MAP4: variants seen among roughly 807,000 people sequenced by gnomAD.
MAP4 encodes microtubule associated protein 4.
MAP4 carries 76 observed loss-of-function variants against 170.2 expected under a neutral mutation model. The ratio of observed to expected loss-of-function variants is 0.45; its 90% CI spans 0.37 to 0.54. MAP4 has a LOEUF of 0.54. MAP4 is among the 20% of genes least tolerant of loss of function. The pLI, the probability that MAP4 is intolerant of heterozygous loss-of-function variation, is 0.00. For missense variants in MAP4, 2,506 were observed against 2,748.0 expected (o/e 0.91, Z 1.97); for synonymous variants, 909 against 994.5 (o/e 0.91, Z 1.62).
chr3:48,041,216 A>G (rs1251288278), intron 1 of MAP4, among the ~76,000 whole-genome samples: 1 of 152,246 alleles, frequency 6.6e-6, no homozygotes, highest in East Asian at 1.9e-4. Flanking sequence ...GGTTCAAGCG[A>G]TTCTCCTGCC....
chr3:47,887,127 C>T (rs949559041), intron 10 of MAP4, among the ~76,000 whole-genome samples: 5 of 152,234 alleles, frequency 3.3e-5, no homozygotes, highest in South Asian at 2.1e-4. Flanking sequence ...CCCTTTGGCC[C>T]GCCGCTGCAC....
intron 3 of MAP4, 152 bp from the exon 4 acceptor site, chr3:47,928,502 G>C: frequency 1.4e-6 from 1 of 698,842 alleles, no homozygotes; most frequent in South Asian, 1.9e-5. Flanking sequence ...TTAATTGAAA[G>C]ATAAAAGGAG....
intron 1 of MAP4, among the ~76,000 whole-genome samples, chr3:48,079,265 A>G (rs1317459691): frequency 6.6e-6 from 1 of 152,148 alleles, no homozygotes; most frequent in Non-Finnish European, 1.5e-5. Context: ...ATATCTGTAT[A>G]CTACAGATAT....
intron 2 of MAP4, among the ~76,000 whole-genome samples, chr3:47,997,325 C>CAAAAAAAAAAAAAAAAAAAAAAAAAA (rs1559754149): frequency 7.4e-5 from 3 of 40,710 alleles, no homozygotes; most frequent in Non-Finnish European, 1.2e-4. Flanking sequence ...ATTTAAACTG[C>CAAAAAAAAAAAAAAAAAAAAAAAAAA]TAAAAAAAAA....
chr3:47,886,443 G>A (rs1032009402), intron 10 of MAP4, among the ~76,000 whole-genome samples: 7 of 152,170 alleles, frequency 4.6e-5, no homozygotes, highest in African/African-American at 1.7e-4. Flanking sequence ...TGGGACTATA[G>A]GTACATGCCA....
At chr3:47,947,119 C>T (rs1177859792) in intron 3 of MAP4, among the ~76,000 whole-genome samples, 1 of 152,168 alleles carries the variant, frequency 6.6e-6, no homozygotes, top group East Asian at 1.9e-4. Flanking sequence ...ATTTAATATC[C>T]TCCTTATAGA....
At chr3:48,063,439 A>C (rs1014409488) in intron 1 of MAP4, among the ~76,000 whole-genome samples, 1 of 151,668 alleles carries the variant, frequency 6.6e-6, no homozygotes, top group South Asian at 2.1e-4. Context: ...CCAGTTTGGG[A>C]GGTTCTTACA....
chr3:47,886,707 T>A (rs985326223), intron 10 of MAP4, among the ~76,000 whole-genome samples: 2 of 152,218 alleles, frequency 1.3e-5, no homozygotes, highest in Non-Finnish European at 2.9e-5. Flanking sequence ...TGCTCTTCTG[T>A]TGGGTCTTTC....
intron 1 of MAP4, among the ~76,000 whole-genome samples, chr3:48,065,560 A>G (rs2100137920): frequency 6.6e-6 from 1 of 152,130 alleles, no homozygotes; most frequent in South Asian, 2.1e-4. Flanking sequence ...CCAAGCCCCA[A>G]ATTTTTCACT....
intron 1 of MAP4, among the ~76,000 whole-genome samples, chr3:48,059,823 T>C (rs1266421387): frequency 6.6e-6 from 1 of 151,792 alleles, no homozygotes; most frequent in East Asian, 1.9e-4. Context: ...TCTACTAAAA[T>C]ACAAAAAATT....
chr3:48,007,168 G>A (rs1204667285), intron 1 of MAP4, among the ~76,000 whole-genome samples: 1 of 152,178 alleles, frequency 6.6e-6, no homozygotes, highest in Non-Finnish European at 1.5e-5. Context: ...AAACACACTG[G>A]ACTTATTGGT....
At position 47,893,776 on chromosome 3, in the gene MAP4, A is replaced by T. The variant is rs985819638; in HGVS notation, c.5434+9174T>A. Among the ~76,000 whole-genome samples, 10 of 151,246 alleles carry T rather than the reference A, an allele frequency of 6.6e-5. No homozygotes were observed. The East Asian group carries it at 1.7e-3, about 26-fold the overall frequency. On this transcript the variant is annotated intron_variant, in intron 10 of 20. Transcript: ENST00000683076. ...TTAGATTGCTTTTTTTTTTTTTTTA[A>T]AAAAAGGCCATTTGCCATAAACTGC...
chr3:47,853,249 G>A lies in MAP4; in HGVS notation c.6800C>T (p.Ala2267Val), dbSNP rs1261728765. Residue 2267 changes from alanine to valine, a missense_variant, in exon 20 of 21, where the codon GCC (alanine) becomes GTC (valine). Coordinates refer to ENST00000683076, the MANE Select transcript of MAP4 (RefSeq NM_001385682.1). Reference sequence around the variant, plus strand: ...GGTGGGGTGGCCATTGAGGCCACTGGCTGAAGTGGGGGCGCCAGCTTCAGG... The same window carrying A: ...GGTGGGGTGGCCATTGAGGCCACTGACTGAAGTGGGGGCGCCAGCTTCAGG... ...AAPEAGAPTS[A>V]SGLNGHPTLS... 4 of 1,591,534 alleles carry A rather than the reference G, an allele frequency of 2.5e-6. No homozygotes were observed. The highest frequency in any genetic ancestry group is 3.4e-4 in the Middle Eastern group (2 of 5,900).
intron 1 of MAP4, among the ~76,000 whole-genome samples, chr3:48,062,126 T>C (rs1038614379): frequency 9.9e-5 from 15 of 151,986 alleles, no homozygotes; most frequent in African/African-American, 3.6e-4. Flanking sequence ...GAAGTGGGCA[T>C]AGGAGACTCC....
rs1199550817 is a variant in MAP4, at chr3:47,917,038, G to T, written c.789C>A (p.Asp263Glu). 3 of 1,614,028 alleles carry T rather than the reference G, an allele frequency of 1.9e-6. No individual in the cohort carries two copies. The African/African-American group carries it at 4.0e-5, about 22-fold the overall frequency. ...CCTCGGTTTTTGTAGCTAGTGCCAT[G>T]TCCTTGGCGAGGGCCATCTCTGTTT... is the stretch of plus-strand genomic sequence containing the variant. ...SKETEMALAK[D>E]MALATKTEVA... is the part of the protein sequence containing the mutation. Residue 263 changes from aspartate (D) to glutamate (E), a missense_variant, in exon 7 of 21, where the codon GAC (aspartate) becomes GAA (glutamate). Asp to Glu is a conservative substitution (Grantham distance 45, BLOSUM62 2). This residue lies in a region of MAP4 where 2,008 missense variants were observed against 2,206.0 expected (regional missense o/e 0.91). Transcript: ENST00000683076.
At chr3:47,965,702 A>T (rs2100074446) in intron 3 of MAP4, among the ~76,000 whole-genome samples, 1 of 152,070 alleles carries the variant, frequency 6.6e-6, no homozygotes, top group Non-Finnish European at 1.5e-5. Context: ...TGTATCTTTT[A>T]TGAAGAAATG....
chr3:48,088,616 C>A (rs1412914384), intron 1 of MAP4, among the ~76,000 whole-genome samples: 2 of 152,150 alleles, frequency 1.3e-5, no homozygotes, highest in South Asian at 2.1e-4. Context: ...CCCCCTCCCT[C>A]GGACGCCCCC....
intron 5 of MAP4, among the ~76,000 whole-genome samples, chr3:47,921,142 T>C (rs1227540401): frequency 6.6e-6 from 1 of 151,938 alleles, no homozygotes; most frequent in Non-Finnish European, 1.5e-5. Context: ...AGTGAGACCC[T>C]GTCTCAAAAA....
At chr3:48,072,732 T>C (rs550751690) in intron 1 of MAP4, among the ~76,000 whole-genome samples, 1 of 152,270 alleles carries the variant, frequency 6.6e-6, no homozygotes, top group Non-Finnish European at 1.5e-5. Flanking sequence ...AAGCATTTTA[T>C]AATAGGTAAA....
Sources: gnomAD v4.1 joint callset for allele counts (sites outside exome capture counted in the v4.1 genomes callset) on GRCh38, gnomAD v4.1.1 for gene constraint, gnomAD v4.1.1 regional missense constraint, MANE v1.5 for transcripts, NCBI Gene and HGNC (gene_info 2026-07-23, HGNC 2026-07-21) for gene names.